CGGBP1: variants seen among roughly 807,000 people sequenced by gnomAD.
CGGBP1 encodes the protein CGG triplet repeat-binding protein 1.
CGGBP1 carries 4 observed loss-of-function variants against 11.4 expected under a neutral mutation model. That is an observed-to-expected ratio of 0.35 (90% CI 0.17 to 0.80). The LOEUF (loss-of-function observed/expected upper bound fraction) is 0.80. Among genes scored for constraint, CGGBP1 ranks in the 30% least tolerant of loss-of-function variants. CGGBP1 has a pLI of 0.52. For synonymous variants in CGGBP1, 76 were observed against 74.1 expected, an observed-to-expected ratio of 1.03 and a Z score of -0.13; for missense variants, 135 against 202.1, an observed-to-expected ratio of 0.67 and a Z score of 2.01.
In CGGBP1 at chr3:88,099,803, C is replaced by T. The variant is rs186726251; in HGVS notation, c.-229+41167G>A. The stretch of plus-strand genomic sequence containing the variant: ...AAGCTGAAAATGGGTCCCTTCCTTA[C>T]ACCTTATACAAAAATTAATTCAAGA... On this transcript the variant is annotated intron_variant, in intron 2 of 3. Coordinates refer to the CGGBP1 transcript ENST00000462901. Among the ~76,000 whole-genome samples the T allele has an allele frequency of 3.2e-4, 49 of 152,286 alleles. 1 individual carries two copies. Among genetic ancestry groups the T allele is most frequent in the Admixed American group, 3.2e-3 (49 of 15,294 alleles).
upstream of CGGBP1, chr3:88,059,602 G>C: frequency 7.1e-7 from 1 of 1,405,360 alleles, no homozygotes; most frequent in Non-Finnish European, 9.2e-7. Context: ...TATGTCCAGT[G>C]CCCGCTCCTC....
At chr3:88,145,307 A>G (rs945142331) in intron 1 of CGGBP1, among the ~76,000 whole-genome samples, 1 of 152,112 alleles carries the variant, frequency 6.6e-6, no homozygotes, top group African/African-American at 2.4e-5. Context: ...TTTTGATGTG[A>G]TGAGACCACA....
chr3:88,095,978 CT>C, intron 2 of CGGBP1: 1 of 264,666 alleles, frequency 3.8e-6, no homozygotes, highest in Non-Finnish European at 7.2e-6. Flanking sequence ...CCGTGTTGCA[CT>C]GTTCTACCTG....
intron 2 of CGGBP1, among the ~76,000 whole-genome samples, chr3:88,069,355 G>A (rs1039881427): frequency 6.6e-6 from 1 of 152,158 alleles, no homozygotes; most frequent in African/African-American, 2.4e-5. Context: ...TCTGGAGGCG[G>A]AGGTTGCAGT....
Position 88,053,842 on chromosome 3 carries a change from C to T in CGGBP1, c.*1631G>A, listed in dbSNP as rs1165976061. 6.6e-6 allele frequency: 1 copy of T among 152,598 alleles called. No individual in the cohort carries two copies. The highest frequency in any genetic ancestry group is 1.5e-5 in the Non-Finnish European group (1 of 68,008). The allele number at this position is 152,598 out of a possible 1,614,324, so 9.5% of individuals were successfully genotyped here. On this transcript the variant is annotated 3_prime_UTR_variant, in exon 4 of 4. Transcript: ENST00000482016. ...ATGTGCTTCATCAACGAGAGCACTA[C>T]TCTAGGCATGCATTTATCATACTAC...
At chr3:88,109,944 AT>A (rs1704988957) in intron 2 of CGGBP1, among the ~76,000 whole-genome samples, 1 of 152,184 alleles carries the variant, frequency 6.6e-6, no homozygotes, top group Non-Finnish European at 1.5e-5. Context: ...TTTTAAAAAA[AT>A]CTTCATAATT....
intron 2 of CGGBP1, among the ~76,000 whole-genome samples, chr3:88,114,524 TG>T (rs1395690941): frequency 6.6e-6 from 1 of 152,204 alleles, no homozygotes; most frequent in Non-Finnish European, 1.5e-5. Context: ...TCTCCTGCTC[TG>T]ATCCTTTGAC....
At chr3:88,113,222 C>T (rs1300363897) in intron 2 of CGGBP1, 21 of 1,407,484 alleles carry the variant, frequency 1.5e-5, no homozygotes, top group Non-Finnish European at 2.0e-5. Context: ...CTACTTCACA[C>T]TTTGTCTACA....
intron 2 of CGGBP1, among the ~76,000 whole-genome samples, chr3:88,086,871 C>G (rs528883634): frequency 2.0e-5 from 3 of 152,300 alleles, no homozygotes; most frequent in East Asian, 1.9e-4. Context: ...CAAGCTCCCC[C>G]TCCCGGGTTC....
chr3:88,101,823 A>G (rs1704444646), intron 2 of CGGBP1, among the ~76,000 whole-genome samples: 1 of 152,240 alleles, frequency 6.6e-6, no homozygotes, highest in South Asian at 2.1e-4. Context: ...CTTCACTAAT[A>G]CTTTTTATCT....
chr3:88,109,835 G>A (rs868538208), intron 2 of CGGBP1, among the ~76,000 whole-genome samples: 5 of 152,056 alleles, frequency 3.3e-5, no homozygotes, highest in South Asian at 2.1e-4. Context: ...CACATTTATT[G>A]TAGAAACATA....
intron 2 of CGGBP1, chr3:88,140,061 G>A (rs2107893539): frequency 6.2e-7 from 1 of 1,613,754 alleles, no homozygotes; most frequent in South Asian, 1.1e-5. Flanking sequence ...GCAATTTGAA[G>A]ATTCTCAACA....
chr3:88,059,515 C>G, upstream of CGGBP1: 2 of 1,463,246 alleles, frequency 1.4e-6, no homozygotes, highest in Non-Finnish European at 1.8e-6. Flanking sequence ...GGTGAGGCGT[C>G]CGTTGGCCGC....
intron 2 of CGGBP1, among the ~76,000 whole-genome samples, chr3:88,069,745 A>G (rs1020715324): frequency 2.6e-5 from 4 of 152,202 alleles, no homozygotes; most frequent in African/African-American, 9.7e-5. Context: ...CTCGTGTAAT[A>G]TATTACACAA....
chr3:88,143,911 T>G (rs1707241809), intron 1 of CGGBP1: 2 of 151,980 alleles, frequency 1.3e-5, no homozygotes, highest in Admixed American at 1.3e-4. Flanking sequence ...CCTACATCAT[T>G]TTGCTTTTAT....
intron 2 of CGGBP1, among the ~76,000 whole-genome samples, chr3:88,071,238 G>C (rs1353284689): frequency 6.6e-6 from 1 of 152,190 alleles, no homozygotes; most frequent in Non-Finnish European, 1.5e-5. Context: ...GGCCAGTAGT[G>C]GTGGCTCGCG....
At chr3:88,091,551 A>G (rs1271900393) in intron 2 of CGGBP1, among the ~76,000 whole-genome samples, 1 of 152,068 alleles carries the variant, frequency 6.6e-6, no homozygotes, top group Non-Finnish European at 1.5e-5. Flanking sequence ...TTAAAATGTC[A>G]TTTATTGACT....
intron 2 of CGGBP1, among the ~76,000 whole-genome samples, chr3:88,074,851 T>C (rs937537061): frequency 3.9e-5 from 6 of 152,196 alleles, no homozygotes; most frequent in African/African-American, 1.4e-4. Flanking sequence ...GAATTTTGGT[T>C]TAAACCTCAC....
At chr3:88,058,752 C>G (rs1706655823) in intron 1 of CGGBP1, 63 bp downstream of exon 1, 1 of 152,514 alleles carries the variant, frequency 6.6e-6, no homozygotes, top group African/African-American at 2.4e-5. Context: ...GGACGGAAGG[C>G]CCCGGGCCCA....
Sources: allele counts gnomAD v4.1 joint callset (sites outside exome capture counted in the v4.1 genomes callset), GRCh38; gene constraint gnomAD v4.1.1; transcripts MANE v1.5; gene names NCBI Gene and HGNC (gene_info 2026-07-23, HGNC 2026-07-21).